EEIG2: variants seen among roughly 807,000 people sequenced by gnomAD.
EEIG2 encodes family with sequence similarity 102 member B.
chr1:108,621,131 T>C, the EEIG2 span, among the ~76,000 whole-genome samples: 1 of 152,224 alleles, frequency 6.6e-6, no homozygotes, highest in South Asian at 2.1e-4. Flanking sequence ...TATGAGGTCA[T>C]TTTTCACATA....
the EEIG2 span, among the ~76,000 whole-genome samples, chr1:108,593,907 G>T: frequency 1.3e-5 from 2 of 152,084 alleles, no homozygotes; most frequent in African/African-American, 4.8e-5. Flanking sequence ...CTGGGCTCAA[G>T]CAATCCTCCC....
the EEIG2 span, among the ~76,000 whole-genome samples, chr1:108,600,016 A>G: frequency 6.6e-6 from 1 of 152,212 alleles, no homozygotes; most frequent in Non-Finnish European, 1.5e-5. Context: ...AAGTGAAGAA[A>G]ATGCCAGCTA....
the EEIG2 span, chr1:108,635,995 T>C: frequency 6.6e-6 from 1 of 152,188 alleles, no homozygotes; most frequent in Non-Finnish European, 1.5e-5. Context: ...AGAATTGTAA[T>C]ATGGTCAGAA....
chr1:108,629,721 G>C, the EEIG2 span: 7 of 1,267,208 alleles, frequency 5.5e-6, no homozygotes, highest in Non-Finnish European at 8.0e-6. Context: ...ATCATGAGTA[G>C]AGGATGATGG....
chr1:108,618,505 C>A, the EEIG2 span, among the ~76,000 whole-genome samples: 18 of 152,052 alleles, frequency 1.2e-4, no homozygotes, highest in Admixed American at 2.6e-4. Flanking sequence ...TTCATTGATA[C>A]CATTGAAATA....
At chr1:108,613,303 T>G in the EEIG2 span, among the ~76,000 whole-genome samples, 5 of 152,164 alleles carry the variant, frequency 3.3e-5, no homozygotes, top group Admixed American at 6.6e-5. Context: ...GTTAGACGGA[T>G]GAGGATAGAT....
chr1:108,590,624 G>C, the EEIG2 span, among the ~76,000 whole-genome samples: 1 of 152,214 alleles, frequency 6.6e-6, no homozygotes, highest in Non-Finnish European at 1.5e-5. Flanking sequence ...TGTCCAGCGT[G>C]ACAGTTGGCA....
the EEIG2 span, chr1:108,627,993 A>G: frequency 3.4e-6 from 2 of 584,012 alleles, no homozygotes; most frequent in Non-Finnish European, 6.2e-6. Context: ...AATACTTTGT[A>G]TATCTTGCAA....
the EEIG2 span, chr1:108,600,532 GTTAA>G: frequency 1.2e-6 from 2 of 1,606,676 alleles, no homozygotes; most frequent in Middle Eastern, 1.7e-4. Context: ...ATCAATAATA[GTTAA>G]TTAATTGGCT....
the EEIG2 span, among the ~76,000 whole-genome samples, chr1:108,605,464 A>G: frequency 6.6e-6 from 1 of 152,178 alleles, no homozygotes; most frequent in Non-Finnish European, 1.5e-5. Flanking sequence ...TGCATTATGT[A>G]TCTGATTTAT....
At chr1:108,567,476 C>A in the EEIG2 span, among the ~76,000 whole-genome samples, 1 of 152,232 alleles carries the variant, frequency 6.6e-6, no homozygotes, top group East Asian at 1.9e-4. Context: ...AGGAGGCATT[C>A]TAGCTCCAAG....
the EEIG2 span, chr1:108,612,386 AGT>A: frequency 2.5e-6 from 2 of 812,422 alleles, no homozygotes; most frequent in Non-Finnish European, 3.9e-6. Flanking sequence ...GATGTGAATC[AGT>A]GCTGATATGA....
the EEIG2 span, among the ~76,000 whole-genome samples, chr1:108,620,283 T>C: frequency 6.6e-6 from 1 of 152,232 alleles, no homozygotes; most frequent in Non-Finnish European, 1.5e-5. Context: ...CTAGTTTTAA[T>C]ATTTTCTGAG....
chr1:108,576,164 A>T, the EEIG2 span, among the ~76,000 whole-genome samples: 1 of 152,176 alleles, frequency 6.6e-6, no homozygotes, highest in Non-Finnish European at 1.5e-5. Flanking sequence ...AAGCTTTCTT[A>T]AAAAAGCATT....
the EEIG2 span, chr1:108,629,440 C>A: frequency 1.9e-6 from 1 of 530,230 alleles, no homozygotes; most frequent in Non-Finnish European, 3.3e-6. Flanking sequence ...TTTAAATTGC[C>A]TATTTTAAAA....
the EEIG2 span, among the ~76,000 whole-genome samples, chr1:108,581,033 A>G: frequency 6.6e-6 from 1 of 152,220 alleles, no homozygotes; most frequent in Admixed American, 6.5e-5. Context: ...TAATGCAACT[A>G]GTGACTTTCA....
At chr1:108,612,103 G>C in the EEIG2 span, 1 of 1,037,790 alleles carries the variant, frequency 9.6e-7, no homozygotes, top group Non-Finnish European at 1.4e-6. Context: ...GGTATGGGTT[G>C]AATATTTATT....
the EEIG2 span, chr1:108,628,704 A>C: frequency 4.3e-6 from 7 of 1,612,634 alleles, no homozygotes; most frequent in Non-Finnish European, 5.1e-6. Flanking sequence ...ATTCTGTAGA[A>C]TCTCAGCTGA....
At chr1:108,638,497 A>C in the EEIG2 span, 1 of 152,334 alleles carries the variant, frequency 6.6e-6, no homozygotes, top group Admixed American at 6.5e-5. Context: ...ACATACTCTG[A>C]AGTGTCAGGC....
Sources: gnomAD v4.1 joint callset for allele counts (sites outside exome capture counted in the v4.1 genomes callset) on GRCh38, gnomAD v4.1.1 for gene constraint, MANE v1.5 for transcripts, NCBI Gene and HGNC (gene_info 2026-07-23, HGNC 2026-07-21) for gene names.